The following MOG variants were observed in gnomAD, a reference collection of about 807,000 sequenced individuals.
MOG encodes myelin oligodendrocyte glycoprotein.
MOG carries 20 observed loss-of-function variants against 35.9 expected under a neutral mutation model. The observed-to-expected ratio is 0.56, with a 90% CI of 0.39 to 0.81. The LOEUF (loss-of-function observed/expected upper bound fraction) is 0.81, where lower values mean the gene tolerates loss of function less well. Among genes scored for constraint, MOG ranks in the 30% least tolerant of loss-of-function variants. The pLI is 0.00. For synonymous variants in MOG, 92 were observed against 114.3 expected (o/e 0.80, Z 1.25); for missense variants, 251 against 301.0 (o/e 0.83, Z 1.23).
At chr6:29,665,229 T>C (rs1337549296) in intron 2 of MOG, among the ~76,000 whole-genome samples, 1 of 152,028 alleles carries the variant, frequency 6.6e-6, no homozygotes, top group African/African-American at 2.4e-5. Context: ...CTTGAGTAGC[T>C]GGGATTACAG....
At chr6:29,669,231 C>A (rs965255267) in intron 5 of MOG, among the ~76,000 whole-genome samples, 9 of 149,374 alleles carry the variant, frequency 6.0e-5, no homozygotes, top group African/African-American at 2.2e-4. Flanking sequence ...ATAAATATTT[C>A]TTTAGCCAAA....
chr6:29,665,297 T>G (rs1238229886), intron 2 of MOG, among the ~76,000 whole-genome samples: 1 of 151,952 alleles, frequency 6.6e-6, no homozygotes, highest in Non-Finnish European at 1.5e-5. Context: ...GGTTTCTCCA[T>G]GTTGGTCAGG....
In MOG at chr6:29,671,466, C is replaced by T. The variant is rs745570351; in HGVS notation, c.*281C>T. ...CTCTGGCTAAGGACAGGCAGGTGCC[C>T]CTCTCTCCATCAGAGGACACCTGTA... is the stretch of plus-strand genomic sequence containing the variant. On this transcript the variant is annotated 3_prime_UTR_variant, in exon 8 of 8. Coordinates refer to ENST00000376917, the MANE Select transcript of MOG (RefSeq NM_206809.4). 2.0e-6 allele frequency: 3 copies of T among 1,537,792 alleles called. No homozygotes were observed. Among genetic ancestry groups the T allele is most frequent in the Non-Finnish European group, 2.7e-6 (3 of 1,111,718 alleles).
intron 2 of MOG, chr6:29,661,934 CTCTTCG>C: frequency 1.0e-6 from 1 of 985,262 alleles, no homozygotes; most frequent in Non-Finnish European, 1.2e-6. Context: ...CTGTTCCCAC[CTCTTCG>C]TCTGCATGCC....
intron 3 of MOG, among the ~76,000 whole-genome samples, chr6:29,666,714 C>A (rs1326428471): frequency 6.6e-6 from 1 of 152,134 alleles, no homozygotes; most frequent in Admixed American, 6.6e-5. Flanking sequence ...ACACAGTAGG[C>A]GTTCGAAAAT....
chr6:29,659,296 C>A, intron 1 of MOG, 23 bp from the exon 2 acceptor site: 3 of 1,612,120 alleles, frequency 1.9e-6, no homozygotes, highest in Non-Finnish European at 2.5e-6. Context: ...CCTTAAATCT[C>A]TTCCTTTTGG....
chr6:29,667,913 A>G lies in MOG; in HGVS notation c.581A>G (p.His194Arg). Residue 194 changes from histidine (H) to arginine (R), a missense_variant, in exon 5 of 8, where the codon CAC (histidine) becomes CGC (arginine). Coordinates refer to ENST00000376917, the MANE Select transcript of MOG (RefSeq NM_206809.4). ...GKLRAEIENL[H>R]RTFDPHFLRV... Reference sequence around the variant, plus strand: ...TTTGTTTCTCTTTCAGAGAATCTCCACCGGACTTTTGGTAAGTTCCGGCAT... The same window carrying G: ...TTTGTTTCTCTTTCAGAGAATCTCCGCCGGACTTTTGGTAAGTTCCGGCAT... 6.2e-7 allele frequency: 1 copy of G among 1,613,290 alleles called. No homozygotes were observed. The highest frequency in any genetic ancestry group is 8.5e-7 in the Non-Finnish European group (1 of 1,179,998).
At chr6:29,661,846 G>A (rs989623103) in intron 2 of MOG, 99 of 972,554 alleles carry the variant, frequency 1.0e-4, no homozygotes, top group Non-Finnish European at 1.2e-4. Context: ...AAACAAGGAA[G>A]ACAAAAAGAA....
chr6:29,659,527 G>T lies in MOG; in HGVS notation c.297G>T (p.Glu99Asp), dbSNP rs756378738. The T allele has an allele frequency of 6.2e-7, 1 of 1,613,100 alleles. No individual in the cohort carries two copies. The highest frequency in any genetic ancestry group is 8.5e-7 in the Non-Finnish European group (1 of 1,180,048). Residue 99 changes from glutamate to aspartate, a missense_variant, in exon 2 of 8, where the codon GAG becomes GAT. Transcript: ENST00000376917. ...CACCTGAATATCGGGGCCGGACAGA[G>T]CTGCTGAAAGATGCTATTGGTGAGG... ...DQAPEYRGRT[E>D]LLKDAIGEGK...
Position 29,670,072 on chromosome 6 carries a change from G to A in MOG, c.593-209G>A. On this transcript the variant is annotated intron_variant, in intron 5 of 7. Transcript: ENST00000376917. The surrounding 1 kb of genome is among the most constrained non-coding windows in gnomAD (Gnocchi z 4.2). Reference sequence around the variant, plus strand: ...GCATGAGCCACCACACCTGGCAGTTGTTACATTTTTAATGAAAGAAAATGT... The same window carrying A: ...GCATGAGCCACCACACCTGGCAGTTATTACATTTTTAATGAAAGAAAATGT... 2.3e-6 allele frequency: 2 copies of A among 882,732 alleles called. No homozygotes were observed. Among genetic ancestry groups the A allele is most frequent in the Non-Finnish European group, 3.7e-6 (2 of 535,962 alleles). 54.7% of individuals were successfully genotyped at this position (882,732 alleles called of 1,614,324 possible). A position where few individuals can be genotyped will look rare whatever the true frequency, so the allele number is the denominator to read the frequency against.
intron 2 of MOG, chr6:29,661,881 G>C (rs553492028): frequency 1.0e-6 from 1 of 984,976 alleles, no homozygotes; most frequent in African/African-American, 1.7e-5. Context: ...TTTGCCTCAG[G>C]GGAGAAAGTT....
At chr6:29,657,912 T>C (rs1302265023) in intron 1 of MOG, among the ~76,000 whole-genome samples, 1 of 152,176 alleles carries the variant, frequency 6.6e-6, no homozygotes, top group Admixed American at 6.5e-5. Context: ...CCCAAAGTGC[T>C]GAGATTACAG....
At position 29,662,807 on chromosome 6, in the gene MOG, A is replaced by C. The variant is rs1179474180; in HGVS notation, c.436+3141A>C. ...CTACATAGTAGCTGGGACCACAGGC[A>C]CACACCACCACACACTGCTAATGTT... On this transcript the variant is annotated intron_variant, in intron 2 of 7. Coordinates refer to ENST00000376917, the MANE Select transcript of MOG (RefSeq NM_206809.4). This position sits in a 1 kb window ranked among gnomAD's most constrained non-coding sequence, Gnocchi z 4.2. Among the ~76,000 whole-genome samples, 3 of 152,024 alleles carry C rather than the reference A, an allele frequency of 2.0e-5. No individual in the cohort carries two copies. Among genetic ancestry groups the C allele is most frequent in the Non-Finnish European group, 4.4e-5 (3 of 67,984 alleles).
intron 2 of MOG, chr6:29,660,069 G>A (rs1023914008): frequency 2.1e-5 from 6 of 285,470 alleles, no homozygotes; most frequent in African/African-American, 6.6e-5. Flanking sequence ...GGTTTGCCTC[G>A]CAGCTACTCA....
At position 29,670,687 on chromosome 6, in the gene MOG, CTTT is replaced by C. The variant is rs1562210613; in HGVS notation, c.710-11_710-9del. 24 of 1,612,106 alleles carry C rather than the reference CTTT, an allele frequency of 1.5e-5. No homozygotes were observed. Among genetic ancestry groups the C allele is most frequent in the Non-Finnish European group, 1.9e-5 (23 of 1,179,652 alleles). On this transcript the variant is annotated splice_polypyrimidine_tract_variant and intron_variant, in intron 6 of 7. Transcript: ENST00000376917. This position sits in a 1 kb window ranked among gnomAD's most constrained non-coding sequence, Gnocchi z 4.2. ...TCTTCCACTAATCACATATTTGTTT[CTTT>C]TTGTTTTCAGGGCAATTCCTTGAAG...
In MOG at chr6:29,670,001, C is replaced by A. The variant is rs1341391801; in HGVS notation, c.593-280C>A. ...GGCCTGGCTGGTCTTGAACTCTTGG[C>A]CTCATGATCCACCCGTCTCGGACTC... On this transcript the variant is annotated intron_variant, in intron 5 of 7. Transcript: ENST00000376917. The surrounding 1 kb of genome is among the most constrained non-coding windows in gnomAD (Gnocchi z 4.2). 2.9e-6 allele frequency: 2 copies of A among 685,482 alleles called. No homozygotes were observed. The highest frequency in any genetic ancestry group is 5.3e-6 in the Non-Finnish European group (2 of 376,504). 42.5% of individuals were successfully genotyped at this position (685,482 alleles called of 1,614,324 possible).
Position 29,657,156 on chromosome 6 carries a change from C to T in MOG, c.-54C>T. 1 of 1,337,896 alleles carries T rather than the reference C, an allele frequency of 7.5e-7. No homozygotes were observed. The highest frequency in any genetic ancestry group is 1.1e-6 in the Non-Finnish European group (1 of 930,926). The allele number at this position is 1,337,896 out of a possible 1,614,324, so 82.9% of individuals were successfully genotyped here. ...GTAAGGGGACATGCACCCCAAGGGC[C>T]TCCACTTGGCCTGACCTTGCTGCGG... On this transcript the variant is annotated 5_prime_UTR_variant, in exon 1 of 8. Coordinates refer to ENST00000376917, the MANE Select transcript of MOG (RefSeq NM_206809.4).
rs563552917 is a variant in MOG at position 29,659,348 on chromosome 6, C to T, written c.118C>T (p.Pro40Ser). ...GTTCAGAGTGATAGGACCAAGACAC[C>T]CTATCCGGGCTCTGGTCGGGGATGA... ...GQFRVIGPRH[P>S]IRALVGDEVE... is the part of the protein sequence containing the mutation. The change falls in exon 2 of 8, where the codon CCT (proline) becomes TCT (serine). Residue 40 changes from proline (P) to serine (S), a missense_variant. Coordinates refer to ENST00000376917, the MANE Select transcript of MOG (RefSeq NM_206809.4). 6.2e-7 allele frequency: 1 copy of T among 1,612,818 alleles called. No homozygotes were observed. Among genetic ancestry groups the T allele is most frequent in the Non-Finnish European group, 8.5e-7 (1 of 1,179,960 alleles).
At chr6:29,660,045 C>T (rs1250789435) in intron 2 of MOG, 1 of 305,684 alleles carries the variant, frequency 3.3e-6, no homozygotes, top group Non-Finnish European at 6.2e-6. Flanking sequence ...AAAAACAAAA[C>T]CCTAGGGCAT....
Sources: gnomAD v4.1 joint callset for allele counts (sites outside exome capture counted in the v4.1 genomes callset) on GRCh38, gnomAD v4.1.1 for gene constraint, Gnocchi (gnomAD v3.1) non-coding constraint, MANE v1.5 for transcripts, NCBI Gene and HGNC (gene_info 2026-07-23, HGNC 2026-07-21) for gene names.